ADGRL2: variants seen among roughly 807,000 people sequenced by gnomAD.
ADGRL2 encodes adhesion G protein-coupled receptor L2.
A neutral mutation model predicts 157.4 loss-of-function variants in ADGRL2; 44 were observed. The ratio of observed to expected loss-of-function variants is 0.28; its 90% confidence interval spans 0.22 to 0.36. The LOEUF is 0.36. Ranked by LOEUF, ADGRL2 falls within the 10% of genes least tolerant of loss-of-function variation. The pLI is 1.00. For synonymous variants in ADGRL2, 585 were observed against 624.7 expected (o/e 0.94, Z 0.95); for missense variants, 1,510 against 1,768.9 (o/e 0.85, Z 2.63).
rs1444917295 is a variant in ADGRL2 at position 81,903,699 on chromosome 1, AATATATATATATTCATT to A, written c.74-3305_74-3289del. 2.8e-5 allele frequency among the ~76,000 whole-genome samples: 4 copies of A among 144,316 alleles called. No individual in the cohort carries two copies. In the South Asian group the frequency reaches 6.7e-4, roughly 24 times the overall value. The allele number at this position is 144,316 out of a possible 152,430, so 94.7% of individuals were successfully genotyped here. On this transcript the variant is annotated intron_variant, in intron 2 of 23. Coordinates refer to ENST00000686636, the MANE Select transcript of ADGRL2 (RefSeq NM_001366006.2). Reference sequence around the variant, plus strand: ...CTCTCTTCATATTTGTTTTTTAAAGAATATATATATATTCATTATATATATATATACATTATATATAC... The same window carrying A: ...CTCTCTTCATATTTGTTTTTTAAAGAATATATATATATACATTATATATAC...
At chr1:81,805,108 T>C (rs1220658429) in intron 1 of ADGRL2, among the ~76,000 whole-genome samples, 6 of 152,138 alleles carry the variant, frequency 3.9e-5, no homozygotes, top group African/African-American at 1.4e-4. Flanking sequence ...AACAGTAAAC[T>C]CTAGTATTCA....
intron 3 of ADGRL2, among the ~76,000 whole-genome samples, chr1:81,638,161 C>T (rs1213779078): frequency 6.6e-6 from 1 of 151,856 alleles, no homozygotes; most frequent in African/African-American, 2.4e-5. Context: ...AAAAAAAACT[C>T]ACCAACTTTG....
chr1:81,408,801 G>C (rs2076899748), intron 1 of ADGRL2, among the ~76,000 whole-genome samples: 1 of 152,134 alleles, frequency 6.6e-6, no homozygotes, highest in African/African-American at 2.4e-5. Context: ...CATAATGCAT[G>C]GTTTGGGATC....
rs182437362 is a variant in ADGRL2 at position 81,658,346 on chromosome 1, C to T, written c.-143+77366C>T. Among the ~76,000 whole-genome samples the T allele has an allele frequency of 7.2e-5, 11 of 152,246 alleles. No individual in the cohort carries two copies. In the East Asian group the frequency reaches 7.8e-4, roughly 11 times the overall value. On this transcript the variant is annotated intron_variant, in intron 3 of 24. Coordinates refer to the ADGRL2 transcript ENST00000370721. ...CTGACCTCAGGTGATCCACCTGCCT[C>T]GGCCTCCCAAAGTGTTGGGATTACA...
intron 2 of ADGRL2, among the ~76,000 whole-genome samples, chr1:81,900,996 G>A (rs1261191701): frequency 6.6e-6 from 1 of 152,170 alleles, no homozygotes; most frequent in Non-Finnish European, 1.5e-5. Context: ...CAGAGATTCT[G>A]CATATTAAAT....
Position 81,461,033 on chromosome 1 carries a change from C to T in ADGRL2, c.-248+15944C>T, listed in dbSNP as rs61661104. ...CAAATATTAGTACAGGCAGACCCCT[C>T]TGCTTGCCCAGGGCAGCATCCACTG... On this transcript the variant is annotated intron_variant, in intron 2 of 24. Coordinates refer to the ADGRL2 transcript ENST00000370721. Among the ~76,000 whole-genome samples the T allele has an allele frequency of 1.0e-3, 153 of 152,308 alleles. 1 individual carries two copies. The highest frequency in any genetic ancestry group is 3.7e-3 in the African/African-American group (152 of 41,574).
At position 81,990,379 on chromosome 1, in the gene ADGRL2, C is replaced by T; in HGVS notation, c.3656-12C>T. 1.9e-6 allele frequency: 3 copies of T among 1,607,586 alleles called. No homozygotes were observed. The highest frequency in any genetic ancestry group is 2.6e-6 in the Non-Finnish European group (3 of 1,175,440). On this transcript the variant is annotated splice_polypyrimidine_tract_variant and intron_variant, in intron 23 of 23. Coordinates refer to ENST00000686636, the MANE Select transcript of ADGRL2 (RefSeq NM_001366006.2). ...AGAGACAGTAATGATAACTCCCCCT[C>T]TTCTGTTTCAGGACATTCACTGAAC...
rs1335389829 is a variant in ADGRL2 at position 81,993,368 on chromosome 1, G to A, written c.*2223G>A. ...AATGCCTAAAACCATACAGTATTGT[G>A]TGATGTGTAATTCCTAGTATACAAG... On this transcript the variant is annotated 3_prime_UTR_variant, in exon 24 of 24. Transcript: ENST00000686636. Among the ~76,000 whole-genome samples the A allele has an allele frequency of 6.6e-6, 1 of 151,748 alleles. No homozygotes were observed. Among genetic ancestry groups the A allele is most frequent in the African/African-American group, 2.4e-5 (1 of 41,288 alleles).
chr1:81,920,916 C>T (rs2094963131), intron 3 of ADGRL2, among the ~76,000 whole-genome samples: 1 of 150,408 alleles, frequency 6.6e-6, no homozygotes, highest in African/African-American at 2.4e-5. Flanking sequence ...GCTTTTTGCA[C>T]TCAAAACGTT....
upstream of ADGRL2, among the ~76,000 whole-genome samples, chr1:81,799,543 T>G (rs1200418619): frequency 6.6e-6 from 1 of 152,210 alleles, no homozygotes; most frequent in Non-Finnish European, 1.5e-5. Context: ...TGGATTTACT[T>G]TAGTACTACA....
rs550586824 is a variant in ADGRL2, at chr1:81,900,749, G to A, written c.74-6268G>A. ...GCAAGTAAATAACTGAGTCTGACTT[G>A]TAAACTACTTGAACTTTTAATACTC... On this transcript the variant is annotated intron_variant, in intron 2 of 23. Coordinates refer to ENST00000686636, the MANE Select transcript of ADGRL2 (RefSeq NM_001366006.2). Among the ~76,000 whole-genome samples the A allele has an allele frequency of 5.7e-4, 87 of 152,282 alleles. 1 individual carries two copies. The highest frequency in any genetic ancestry group is 3.4e-3 in the Middle Eastern group (1 of 294).
intron 1 of ADGRL2, among the ~76,000 whole-genome samples, chr1:81,371,759 T>C (rs1055418482): frequency 6.6e-6 from 1 of 152,206 alleles, no homozygotes; most frequent in South Asian, 2.1e-4. Context: ...CACTTCATCA[T>C]GGGTTATTTG....
rs151121499 is a variant in ADGRL2, at chr1:81,916,079, TTGAC to T, written c.287+8852_287+8855del. Among the ~76,000 whole-genome samples, 503 of 152,300 alleles carry T rather than the reference TTGAC, an allele frequency of 3.3e-3. 5 individuals are homozygous for T. The highest frequency in any genetic ancestry group is 0.012 in the African/African-American group (479 of 41,570). On this transcript the variant is annotated intron_variant, in intron 3 of 23. Coordinates refer to ENST00000686636, the MANE Select transcript of ADGRL2 (RefSeq NM_001366006.2). Reference sequence around the variant, plus strand: ...AACAAGTTAATTGACAGAACTGTGTTTGACTGGTATCTCTAAAATGTACTAAACA... The same window carrying T: ...AACAAGTTAATTGACAGAACTGTGTTTGGTATCTCTAAAATGTACTAAACA...
intron 2 of ADGRL2, among the ~76,000 whole-genome samples, chr1:81,542,992 A>G (rs1179778201): frequency 6.6e-6 from 1 of 151,180 alleles, no homozygotes; most frequent in Non-Finnish European, 1.5e-5. Context: ...GTCAAATTTA[A>G]ACACTTTTTA....
At chr1:81,438,977 T>TTA (rs1458749679) in intron 1 of ADGRL2, among the ~76,000 whole-genome samples, 1 of 152,164 alleles carries the variant, frequency 6.6e-6, no homozygotes, top group Non-Finnish European at 1.5e-5. Flanking sequence ...TACCCATTAT[T>TTA]TAGGTCTCTG....
intron 2 of ADGRL2, among the ~76,000 whole-genome samples, chr1:81,546,661 T>G (rs1412453334): frequency 6.6e-6 from 1 of 152,230 alleles, no homozygotes; most frequent in Non-Finnish European, 1.5e-5. Context: ...TCAATCTTAT[T>G]AGGCAATTCA....
intron 1 of ADGRL2, chr1:81,426,733 A>T (rs950206542): frequency 6.4e-6 from 3 of 470,010 alleles, no homozygotes; most frequent in Non-Finnish European, 1.2e-5. Flanking sequence ...ATGCAACAAC[A>T]TGTGCTCAAC....
intron 6 of ADGRL2, among the ~76,000 whole-genome samples, chr1:81,946,322 T>C (rs1649812279): frequency 6.6e-6 from 1 of 151,810 alleles, no homozygotes; most frequent in Admixed American, 6.6e-5. Flanking sequence ...CACACGCATA[T>C]TATTTTTGTG....
chr1:81,443,173 C>A (rs962769057), intron 1 of ADGRL2, among the ~76,000 whole-genome samples: 3 of 152,152 alleles, frequency 2.0e-5, no homozygotes, highest in Non-Finnish European at 2.9e-5. Context: ...GTAATCCCAG[C>A]ACTTTGGGAG....
Sources: allele counts gnomAD v4.1 joint callset (sites outside exome capture counted in the v4.1 genomes callset), GRCh38; gene constraint gnomAD v4.1.1; transcripts MANE v1.5; gene names NCBI Gene and HGNC (gene_info 2026-07-23, HGNC 2026-07-21).